The following PDE12 variants were observed in gnomAD, a reference collection of about 807,000 sequenced individuals.
The protein encoded by PDE12 is phosphodiesterase 12.
Under a neutral mutation model 45.4 loss-of-function variants are expected in PDE12, and 26 were observed. The observed-to-expected ratio is 0.57, with a 90% confidence interval of 0.42 to 0.79. The LOEUF is 0.79. PDE12 is among the 30% of genes least tolerant of loss of function. The probability of loss-of-function intolerance (pLI) is 0.00; values close to 1 mark genes in which losing one functional copy is unlikely to be tolerated. For synonymous variants in PDE12, 283 were observed against 323.9 expected, an observed-to-expected ratio of 0.87 and a Z score of 1.36; for missense variants, 668 against 790.0, an observed-to-expected ratio of 0.85 and a Z score of 1.85.
At chr3:57,572,419 C>G in the PDE12 span, 7 of 712,520 alleles carry the variant, frequency 9.8e-6, no homozygotes, top group Middle Eastern at 1.5e-3. Context: ...AAAACTCTCC[C>G]ATATTTAAAG....
the PDE12 span, chr3:57,630,970 A>G: frequency 1.9e-6 from 3 of 1,613,020 alleles, no homozygotes; most frequent in Admixed American, 3.3e-5. Flanking sequence ...AGCTTGCCAC[A>G]TATCTTTCCT....
At chr3:57,611,176 C>G in the PDE12 span, among the ~76,000 whole-genome samples, 2 of 152,182 alleles carry the variant, frequency 1.3e-5, no homozygotes, top group African/African-American at 4.8e-5. Flanking sequence ...AACTGGCTAG[C>G]CATACGTAGA....
rs1048721640 is a variant in PDE12, at chr3:57,564,090, T to C, written c.*4086T>C. ...CTTCAAAATAACCATACAGTACTGCTTGTAATTTTTGTATTTTTAGTAGAG... is the reference window on the plus strand; with the variant it reads ...CTTCAAAATAACCATACAGTACTGCCTGTAATTTTTGTATTTTTAGTAGAG... On this transcript the variant is annotated 3_prime_UTR_variant, in exon 3 of 3. Coordinates refer to ENST00000311180, the MANE Select transcript of PDE12 (RefSeq NM_177966.7). 2.0e-5 allele frequency: 3 copies of C among 152,162 alleles called. No homozygotes were observed. The highest frequency in any genetic ancestry group is 7.2e-5 in the African/African-American group (3 of 41,450). The allele number at this position is 152,162 out of a possible 1,614,324, so 9.4% of individuals were successfully genotyped here. A position where few individuals can be genotyped will look rare whatever the true frequency, so the allele number is the denominator to read the frequency against.
the PDE12 span, among the ~76,000 whole-genome samples, chr3:57,612,616 C>T: frequency 6.6e-6 from 1 of 151,720 alleles, no homozygotes; most frequent in East Asian, 1.9e-4. Flanking sequence ...ACTAAAAATA[C>T]AAAAATTAGT....
chr3:57,567,897 T>G (rs2069800378), downstream of PDE12, among the ~76,000 whole-genome samples: 1 of 151,644 alleles, frequency 6.6e-6, no homozygotes, highest in South Asian at 2.1e-4. Flanking sequence ...TGAAACCCCA[T>G]CTCTACTAAA....
At chr3:57,650,305 TA>T in the PDE12 span, among the ~76,000 whole-genome samples, 214 of 138,814 alleles carry the variant, frequency 1.5e-3, no homozygotes, top group Admixed American at 1.9e-3. Flanking sequence ...ACAAAAAACC[TA>T]AAAAAAAAAA....
At chr3:57,585,608 A>C in the PDE12 span, among the ~76,000 whole-genome samples, 2 of 152,048 alleles carry the variant, frequency 1.3e-5, no homozygotes, top group Non-Finnish European at 2.9e-5. Flanking sequence ...TAGAACTTAA[A>C]GTATAATAAT....
chr3:57,561,346 A>C lies in PDE12; in HGVS notation c.*1342A>C, dbSNP rs2153407598. On this transcript the variant is annotated 3_prime_UTR_variant, in exon 3 of 3. Coordinates refer to ENST00000311180, the MANE Select transcript of PDE12 (RefSeq NM_177966.7). ...AAAAAGGTTGAGTAGTGGGACTTTT[A>C]AGCATCTCTGAAATAAAAAACTTCT... is the stretch of plus-strand genomic sequence containing the variant. 1.0e-6 allele frequency: 1 copy of C among 985,078 alleles called. No individual in the cohort carries two copies. The highest frequency in any genetic ancestry group is 1.1e-4 in the East Asian group (1 of 8,818). The allele number at this position is 985,078 out of a possible 1,614,324, so 61.0% of individuals were successfully genotyped here.
At chr3:57,607,560 TGAAA>T in the PDE12 span, among the ~76,000 whole-genome samples, 8 of 152,168 alleles carry the variant, frequency 5.3e-5, no homozygotes, top group East Asian at 1.5e-3. Context: ...CTGATGGAGC[TGAAA>T]ACCACAGCAC....
chr3:57,557,370 C>A lies in PDE12; in HGVS notation c.991C>A (p.Arg331Ser). The change falls in exon 1 of 3, where the codon CGC becomes AGC. Residue 331 changes from arginine to serine, a missense_variant. Arg to Ser is a moderately radical substitution (Grantham distance 110). Transcript: ENST00000311180. ...CAPYALELDYRQNLIQKELTG... is the reference protein window; with the variant it reads ...CAPYALELDYSQNLIQKELTG... Reference sequence around the variant, plus strand: ...CCCCTACGCCCTGGAGCTCGACTACCGCCAGAACCTTATCCAGAAGGAACT... The same window carrying A: ...CCCCTACGCCCTGGAGCTCGACTACAGCCAGAACCTTATCCAGAAGGAACT... 1 of 1,613,990 alleles carries A rather than the reference C, an allele frequency of 6.2e-7. No individual in the cohort carries two copies. The highest frequency in any genetic ancestry group is 8.5e-7 in the Non-Finnish European group (1 of 1,180,032).
the PDE12 span, among the ~76,000 whole-genome samples, chr3:57,598,716 G>A: frequency 6.6e-6 from 1 of 152,136 alleles, no homozygotes; most frequent in Non-Finnish European, 1.5e-5. Context: ...GGGAGGCGGA[G>A]GTTGCAGTGA....
Position 57,563,884 on chromosome 3 carries a change from T to C in PDE12, c.*3880T>C, listed in dbSNP as rs574656349. Reference sequence around the variant, plus strand: ...CTGGGTAATAGAGCAAGACCCTGTCTTCAAAAAACCACTCTAGATTTCATG... The same window carrying C: ...CTGGGTAATAGAGCAAGACCCTGTCCTCAAAAAACCACTCTAGATTTCATG... On this transcript the variant is annotated 3_prime_UTR_variant, in exon 3 of 3. Transcript: ENST00000311180. 6.6e-6 allele frequency: 1 copy of C among 152,322 alleles called. No homozygotes were observed. Among genetic ancestry groups the C allele is most frequent in the South Asian group, 2.1e-4 (1 of 4,818 alleles). The allele number at this position is 152,322 out of a possible 1,614,324, so 9.4% of individuals were successfully genotyped here. A position where few individuals can be genotyped will look rare whatever the true frequency, so the allele number is the denominator to read the frequency against.
At chr3:57,648,148 T>C in the PDE12 span, among the ~76,000 whole-genome samples, 1 of 152,138 alleles carries the variant, frequency 6.6e-6, no homozygotes, top group African/African-American at 2.4e-5. Context: ...AACTGGTAAA[T>C]GAATTCAGCA....
the PDE12 span, chr3:57,596,929 C>T: frequency 1.3e-6 from 1 of 783,940 alleles, no homozygotes; most frequent in African/African-American, 1.8e-5. Flanking sequence ...CTCCATTGTT[C>T]CCCCTTAAGA....
chr3:57,640,467 C>T, the PDE12 span, among the ~76,000 whole-genome samples: 1 of 151,784 alleles, frequency 6.6e-6, no homozygotes, highest in African/African-American at 2.4e-5. Context: ...GAGGTGGGTG[C>T]CTGTAATCCC....
the PDE12 span, chr3:57,572,333 A>T: frequency 6.8e-7 from 1 of 1,474,452 alleles, no homozygotes; most frequent in Admixed American, 1.7e-5. Context: ...CTTGATTAAC[A>T]AAGTTAATAT....
chr3:57,640,945 T>C, the PDE12 span, among the ~76,000 whole-genome samples: 2 of 152,026 alleles, frequency 1.3e-5, no homozygotes, highest in Admixed American at 6.6e-5. Flanking sequence ...AGGTACTGTA[T>C]GTCTTTTCCA....
chr3:57,650,306 A>T, the PDE12 span, among the ~76,000 whole-genome samples: 2 of 144,796 alleles, frequency 1.4e-5, no homozygotes, highest in Admixed American at 1.4e-4. Flanking sequence ...CAAAAAACCT[A>T]AAAAAAAAAA....
Position 57,557,542 on chromosome 3 carries a change from A to G in PDE12, c.1163A>G (p.Lys388Arg), listed in dbSNP as rs1290670423. ...GAAGGCCTGGCCACTTTCTACCGAA[A>G]GTCTAAGTTCAGCCTTCTTAGCCAG... Reference protein sequence around the residue: ...QHEGLATFYRKSKFSLLSQHD... With the variant: ...QHEGLATFYRRSKFSLLSQHD... Residue 388 changes from lysine to arginine, a missense_variant, in exon 1 of 3, where the codon AAG becomes AGG. By Grantham distance (26) the Lys-to-Arg change is conservative (BLOSUM62 2). Coordinates refer to ENST00000311180, the MANE Select transcript of PDE12 (RefSeq NM_177966.7). 6.2e-7 allele frequency: 1 copy of G among 1,613,982 alleles called. No individual in the cohort carries two copies. The highest frequency in any genetic ancestry group is 8.5e-7 in the Non-Finnish European group (1 of 1,180,038).
Sources: allele counts gnomAD v4.1 joint callset (sites outside exome capture counted in the v4.1 genomes callset), GRCh38; gene constraint gnomAD v4.1.1; transcripts MANE v1.5; gene names NCBI Gene and HGNC (gene_info 2026-07-23, HGNC 2026-07-21).